Variants in CROT observed in about 807,000 individuals in gnomAD.
CROT encodes carnitine O-octanoyltransferase.
CROT carries 84 observed loss-of-function variants against 89.2 expected under a neutral mutation model. The ratio of observed to expected loss-of-function variants is 0.94; its 90% CI spans 0.79 to 1.13. The LOEUF (loss-of-function observed/expected upper bound fraction) is 1.13. Among genes scored for constraint, CROT ranks in the 50% most tolerant of loss-of-function variants. The probability of loss-of-function intolerance (pLI) is 0.00; values close to 1 mark genes in which losing one functional copy is unlikely to be tolerated. For missense variants in CROT, 711 were observed against 727.8 expected, an observed-to-expected ratio of 0.98 and a Z score of 0.27; for synonymous variants, 212 against 239.5, an observed-to-expected ratio of 0.89 and a Z score of 1.06.
Position 87,393,732 on chromosome 7 carries a change from G to A in CROT, c.1718+665G>A, listed in dbSNP as rs115319881. ...TTTAGCACTATGTGAATAAGAAGAG[G>A]GCAGGCTTGGAGGCACTTCAGATAG... is the stretch of plus-strand genomic sequence containing the variant. On this transcript the variant is annotated intron_variant, in intron 17 of 17. Transcript: ENST00000331536. 1.8e-3 allele frequency among the ~76,000 whole-genome samples: 274 copies of A among 152,200 alleles called. 2 individuals carry two copies. Among genetic ancestry groups the A allele is most frequent in the African/African-American group, 6.3e-3 (260 of 41,540 alleles).
chr7:87,364,520 C>T (rs1318471848), intron 6 of CROT, among the ~76,000 whole-genome samples: 2 of 152,064 alleles, frequency 1.3e-5, no homozygotes, highest in Non-Finnish European at 2.9e-5. Flanking sequence ...GAAGAGGGAA[C>T]CCCAGCTGGA....
Position 87,389,448 on chromosome 7 carries a change from AG to A in CROT, c.1302-2140del, listed in dbSNP as rs1000849009. Reference sequence around the variant, plus strand: ...CCATGGAATACTATGCAGCCATAAAAGAGGATGAGTTCATGTCCTTTGCAGG... The same window carrying A: ...CCATGGAATACTATGCAGCCATAAAAAGGATGAGTTCATGTCCTTTGCAGG... On this transcript the variant is annotated intron_variant, in intron 13 of 17. Transcript: ENST00000331536. Among the ~76,000 whole-genome samples the A allele has an allele frequency of 4.7e-4, 72 of 152,298 alleles. 1 individual carries two copies. Among genetic ancestry groups the A allele is most frequent in the Non-Finnish European group, 2.4e-4 (16 of 68,020 alleles).
intron 7 of CROT, chr7:87,375,358 C>T (rs1299522703): frequency 6.0e-6 from 2 of 335,696 alleles, no homozygotes; most frequent in Non-Finnish European, 5.5e-6. Flanking sequence ...GAAGTGCATG[C>T]ACATTTCCAA....
At chr7:87,382,988 G>A (rs1807070801) in intron 13 of CROT, among the ~76,000 whole-genome samples, 1 of 152,138 alleles carries the variant, frequency 6.6e-6, no homozygotes, top group African/African-American at 2.4e-5. Context: ...TGATAAATAA[G>A]TTATAATTGA....
chr7:87,398,694 GC>G lies in CROT; in HGVS notation c.*51del. ...ACCAAAACATATCATTAAACTGAGTGCTGGGAGTGAGTTGGTAATATGAGAT... is the reference window on the plus strand; with the variant it reads ...ACCAAAACATATCATTAAACTGAGTGTGGGAGTGAGTTGGTAATATGAGAT... On this transcript the variant is annotated 3_prime_UTR_variant, in exon 18 of 18. Transcript: ENST00000331536. 1 of 1,571,154 alleles carries G rather than the reference GC, an allele frequency of 6.4e-7. No homozygotes were observed. The highest frequency in any genetic ancestry group is 1.1e-5 in the South Asian group (1 of 87,664).
chr7:87,356,324 T>G (rs1806067749), intron 3 of CROT, among the ~76,000 whole-genome samples: 1 of 152,200 alleles, frequency 6.6e-6, no homozygotes, highest in Admixed American at 6.5e-5. Flanking sequence ...CATGAAAGTT[T>G]GAGGGTTTTT....
At chr7:87,390,283 A>G (rs1337547217) in intron 13 of CROT, among the ~76,000 whole-genome samples, 1 of 152,158 alleles carries the variant, frequency 6.6e-6, no homozygotes, top group Non-Finnish European at 1.5e-5. Context: ...GTCAGCCAGC[A>G]TCTATTATAA....
At chr7:87,397,237 G>A (rs1807559383) in intron 17 of CROT, among the ~76,000 whole-genome samples, 1 of 151,850 alleles carries the variant, frequency 6.6e-6, no homozygotes, top group African/African-American at 2.4e-5. Context: ...TGTAGTCTGA[G>A]TTACTTGGGA....
intron 6 of CROT, among the ~76,000 whole-genome samples, chr7:87,367,923 A>T (rs1194482404): frequency 2.6e-5 from 4 of 152,160 alleles, no homozygotes; most frequent in African/African-American, 9.7e-5. Flanking sequence ...CACCCTTGTA[A>T]TCTGTTCTCC....
chr7:87,376,707 T>G (rs1204761414), intron 9 of CROT, among the ~76,000 whole-genome samples: 1 of 151,836 alleles, frequency 6.6e-6, no homozygotes, highest in African/African-American at 2.4e-5. Flanking sequence ...TTGTTCAAAG[T>G]TTTTTGACCA....
chr7:87,368,030 T>C (rs1401200466), intron 6 of CROT, among the ~76,000 whole-genome samples: 2 of 152,212 alleles, frequency 1.3e-5, no homozygotes, highest in Non-Finnish European at 1.5e-5. Flanking sequence ...TGGAAACCAC[T>C]TTCTGAGGCC....
intron 9 of CROT, 35 bp from the exon 10 acceptor site, chr7:87,377,314 A>G: frequency 7.6e-7 from 1 of 1,321,864 alleles, no homozygotes. Context: ...CCAATATTAA[A>G]CCCTTTTAAT....
At chr7:87,348,077 AC>A (rs1805748150) in intron 2 of CROT, among the ~76,000 whole-genome samples, 1 of 152,224 alleles carries the variant, frequency 6.6e-6, no homozygotes. Context: ...TGAGTGGAAT[AC>A]TTTGTTTAGC....
intron 16 of CROT, 35 bp downstream of exon 16, chr7:87,392,858 T>C (rs746569519): frequency 5.6e-6 from 9 of 1,608,926 alleles, no homozygotes; most frequent in Non-Finnish European, 6.8e-6. Context: ...CTTCATCAAT[T>C]GGCTTCCTCT....
intron 13 of CROT, among the ~76,000 whole-genome samples, chr7:87,387,626 G>A (rs998195548): frequency 6.6e-6 from 1 of 152,068 alleles, no homozygotes; most frequent in African/African-American, 2.4e-5. Flanking sequence ...TTACAATAAA[G>A]TAAACTAGAG....
intron 7 of CROT, chr7:87,375,362 T>C (rs980010694): frequency 2.9e-6 from 1 of 349,424 alleles, no homozygotes; most frequent in Non-Finnish European, 5.3e-6. Flanking sequence ...TGCATGCACA[T>C]TTCCAAAGTA....
chr7:87,391,569 CTTTTAA>C lies in CROT; in HGVS notation c.1302-15_1302-10del. 2.5e-6 allele frequency: 4 copies of C among 1,582,608 alleles called. No individual in the cohort carries two copies. The highest frequency in any genetic ancestry group is 3.4e-6 in the Non-Finnish European group (4 of 1,170,922). ...AGCATTTTCTTTCTTATGATACACT[CTTTTAA>C]TTTTTTCTTGTAGCCCTGGTTGTTG... On this transcript the variant is annotated splice_polypyrimidine_tract_variant and intron_variant, in intron 13 of 17. Coordinates refer to ENST00000331536, the MANE Select transcript of CROT (RefSeq NM_021151.4).
chr7:87,370,188 A>C (rs1806586308), intron 7 of CROT, among the ~76,000 whole-genome samples: 1 of 152,140 alleles, frequency 6.6e-6, no homozygotes, highest in African/African-American at 2.4e-5. Context: ...CTTCTAAAAA[A>C]TAATTTTTTT....
Position 87,398,510 on chromosome 7 carries a change from T to C in CROT, c.1719-14T>C, listed in dbSNP as rs771335664. On this transcript the variant is annotated splice_polypyrimidine_tract_variant and intron_variant, in intron 17 of 17. Transcript: ENST00000331536. ...CCTTTTGTGTAATCATTAATCATTA[T>C]TTATGCTTCACAGGTTTGTTGTGGC... is the stretch of plus-strand genomic sequence containing the variant. 2.0e-5 allele frequency: 33 copies of C among 1,612,996 alleles called. No individual in the cohort carries two copies. The highest frequency in any genetic ancestry group is 1.6e-4 in the Middle Eastern group (1 of 6,074).
Sources: allele counts gnomAD v4.1 joint callset (sites outside exome capture counted in the v4.1 genomes callset), GRCh38; gene constraint gnomAD v4.1.1; transcripts MANE v1.5; gene names NCBI Gene and HGNC (gene_info 2026-07-23, HGNC 2026-07-21).